The following EGFL7 variants were observed in gnomAD, a reference collection of about 807,000 sequenced individuals.
EGFL7 encodes the protein EGF like domain multiple 7.
EGFL7 carries 48 observed loss-of-function variants against 37.1 expected under a neutral mutation model. The observed-to-expected ratio is 1.29, with a 90% confidence interval of 1.03 to 1.65. EGFL7 has a LOEUF of 1.65. EGFL7 is among the 40% of genes most tolerant of loss of function. EGFL7 has a pLI of 0.00. For missense variants in EGFL7, 384 were observed against 378.9 expected (o/e 1.01, Z -0.11); for synonymous variants, 180 against 156.8 (o/e 1.15, Z -1.10).
chr9:136,668,906 CGCACCTCTAAGA>C (rs1845657275), intron 5 of EGFL7, among the ~76,000 whole-genome samples: 1 of 152,142 alleles, frequency 6.6e-6, no homozygotes, highest in Non-Finnish European at 1.5e-5. Flanking sequence ...CTCAAAGGAC[CGCACCTCTAAGA>C]GCATCCCCAT....
chr9:136,661,200 C>T (rs1183640552), upstream of EGFL7, among the ~76,000 whole-genome samples: 2 of 152,194 alleles, frequency 1.3e-5, no homozygotes. Context: ...AGTCTGGGTC[C>T]TCCCCAGGCT....
chr9:136,669,839 C>A (rs1419267243), intron 6 of EGFL7, 75 bp from the exon 7 acceptor site: 2 of 1,457,446 alleles, frequency 1.4e-6, no homozygotes, highest in Admixed American at 2.1e-5. Flanking sequence ...CCGCAGAGCA[C>A]CCACTCCCTA....
In EGFL7 at chr9:136,668,559, G is replaced by A. The variant is rs548014889; in HGVS notation, c.83G>A (p.Arg28His). Residue 28 changes from arginine (R) to histidine (H), a missense_variant and splice_region_variant, in exon 5 of 11, where the codon CGT becomes CAT. Coordinates refer to ENST00000308874, the MANE Select transcript of EGFL7 (RefSeq NM_016215.5). The stretch of plus-strand genomic sequence containing the variant: ...TGACCCCCTCTCCACCCCCGCAGCC[G>A]TAGGGTGTGTGCTGTCCGGGCTCAC... ...GGTEHAYRPG[R>H]RVCAVRAHGD... The A allele has an allele frequency of 2.4e-5, 39 of 1,608,476 alleles. No individual in the cohort carries two copies. The highest frequency in any genetic ancestry group is 3.0e-5 in the Non-Finnish European group (35 of 1,179,558).
intron 7 of EGFL7, 44 bp downstream of exon 7, chr9:136,670,053 C>T (rs1313069040): frequency 1.3e-6 from 2 of 1,589,156 alleles, no homozygotes; most frequent in Non-Finnish European, 8.6e-7. Context: ...GGGTCCTGGG[C>T]ACCTCCTTGC....
At position 136,669,953 on chromosome 9, in the gene EGFL7, T is replaced by TC. The variant is rs1386242040; in HGVS notation, c.355dup (p.Gln119ProfsTer14). The TC allele has an allele frequency of 1.1e-5, 18 of 1,606,010 alleles. No homozygotes were observed. Among genetic ancestry groups the TC allele is most frequent in the Non-Finnish European group, 1.4e-5 (17 of 1,176,712 alleles). On this transcript the variant is annotated frameshift_variant, in exon 7 of 11. Transcript: ENST00000308874. LOFTEE classifies it high-confidence loss of function. The stretch of plus-strand genomic sequence containing the variant: ...CCATGCCGGAACGGAGGGAGCTGTG[T>TC]CCAGCCTGGCCGCTGCCGCTGCCCT...
rs990467214 is a variant in EGFL7, at chr9:136,666,320, C to T, written c.-43+1535C>T. Among the ~76,000 whole-genome samples, 1 of 151,728 alleles carries T rather than the reference C, an allele frequency of 6.6e-6. No individual in the cohort carries two copies. Among genetic ancestry groups the T allele is most frequent in the Non-Finnish European group, 1.5e-5 (1 of 67,866 alleles). The stretch of plus-strand genomic sequence containing the variant: ...GGTCCGCCAGTGCCTGCGGCGCAGC[C>T]AGGCCCCTCCCTCTGCGGACCCGGC... On this transcript the variant is annotated intron_variant, in intron 3 of 10. Transcript: ENST00000308874. This position sits in a 1 kb window ranked among gnomAD's most constrained non-coding sequence, Gnocchi z 6.8.
intron 7 of EGFL7, 73 bp from the exon 8 acceptor site, chr9:136,670,096 G>C (rs1262370581): frequency 6.2e-7 from 1 of 1,607,708 alleles, no homozygotes; most frequent in East Asian, 2.2e-5. Flanking sequence ...CCATGAGTGG[G>C]TGGTTGTGAA....
chr9:136,668,594 G>A lies in EGFL7; in HGVS notation c.118G>A (p.Val40Ile). The A allele has an allele frequency of 6.2e-7, 1 of 1,608,852 alleles. No individual in the cohort carries two copies. Among genetic ancestry groups the A allele is most frequent in the South Asian group, 1.1e-5 (1 of 91,090 alleles). ...VCAVRAHGDPVSESFVQRVYQ... is the reference protein window; with the variant it reads ...VCAVRAHGDPISESFVQRVYQ... ...TGCTGTCCGGGCTCACGGGGACCCTGTCTCCGAGTCGTTCGTGCAGCGTGT... is the reference window on the plus strand; with the variant it reads ...TGCTGTCCGGGCTCACGGGGACCCTATCTCCGAGTCGTTCGTGCAGCGTGT... The change falls in exon 5 of 11, where the codon GTC becomes ATC. Residue 40 changes from valine (V) to isoleucine (I), a missense_variant. Transcript: ENST00000308874.
intron 2 of EGFL7, among the ~76,000 whole-genome samples, chr9:136,664,479 T>C (rs936689722): frequency 3.3e-5 from 5 of 151,478 alleles, no homozygotes; most frequent in Non-Finnish European, 5.9e-5. Context: ...AATAACCCCA[T>C]TTTACTGAGG....
chr9:136,671,502 A>G (rs931572582), intron 9 of EGFL7, among the ~76,000 whole-genome samples: 1 of 151,956 alleles, frequency 6.6e-6, no homozygotes, highest in Admixed American at 6.5e-5. Context: ...GCCTGGATCC[A>G]TGCTGGGCAG....
intron 3 of EGFL7, 64 bp from the exon 4 acceptor site, chr9:136,668,177 C>A: frequency 1.0e-6 from 1 of 991,080 alleles, no homozygotes; most frequent in Non-Finnish European, 1.5e-6. Flanking sequence ...GGAGCAAGTG[C>A]AAACTGCACC....
chr9:136,661,043 G>A (rs1845115258), upstream of EGFL7, among the ~76,000 whole-genome samples: 1 of 152,178 alleles, frequency 6.6e-6, no homozygotes, highest in African/African-American at 2.4e-5. Flanking sequence ...GGGCAAGAGG[G>A]CACCTCCTGG....
chr9:136,670,042 A>G, intron 7 of EGFL7, 33 bp downstream of exon 7: 2 of 1,585,760 alleles, frequency 1.3e-6, no homozygotes, highest in Non-Finnish European at 1.7e-6. Context: ...GGGCCCTGGA[A>G]GGGTCCTGGG....
At position 136,672,452 on chromosome 9, in the gene EGFL7, C is replaced by A. The variant is rs780193939; in HGVS notation, c.*166C>A. 72 of 799,696 alleles carry A rather than the reference C, an allele frequency of 9.0e-5. No individual in the cohort carries two copies. The highest frequency in any genetic ancestry group is 1.3e-4 in the Non-Finnish European group (67 of 498,622). 49.5% of individuals were successfully genotyped at this position (799,696 alleles called of 1,614,324 possible). On this transcript the variant is annotated 3_prime_UTR_variant, in exon 11 of 11. Coordinates refer to ENST00000308874, the MANE Select transcript of EGFL7 (RefSeq NM_016215.5). Reference sequence around the variant, plus strand: ...CCCCTTCCTCGGGAGGCTCCCCAGACCCTGGCATGGGATGGGCTGGGATCT... The same window carrying A: ...CCCCTTCCTCGGGAGGCTCCCCAGAACCTGGCATGGGATGGGCTGGGATCT...
At chr9:136,670,392 G>A (rs1845769556) in intron 8 of EGFL7, 62 bp downstream of exon 8, 1 of 1,486,916 alleles carries the variant, frequency 6.7e-7, no homozygotes, top group South Asian at 1.3e-5. Context: ...TTGCCGTGTG[G>A]CTGTTAGGCA....
At chr9:136,672,214 G>A in intron 10 of EGFL7, 50 bp from the exon 11 acceptor site, 9 of 1,612,984 alleles carry the variant, frequency 5.6e-6, no homozygotes, top group Non-Finnish European at 7.6e-6. Flanking sequence ...AGCTGGGCGG[G>A]GAGGCTGTGG....
chr9:136,668,779 GA>G, intron 5 of EGFL7, 106 bp downstream of exon 5: 1 of 1,048,744 alleles, frequency 9.5e-7, no homozygotes, highest in East Asian at 2.4e-5. Flanking sequence ...CCCAAGATGG[GA>G]AACTGAGGCC....
In EGFL7 at chr9:136,668,706, C is replaced by A. The variant is rs750663449; in HGVS notation, c.197+33C>A. The stretch of plus-strand genomic sequence containing the variant: ...CCCCACCACACCGAGCTCACCCAGC[C>A]CCAGCCTCCCAAGTCGGCCACACAT... On this transcript the variant is annotated intron_variant, in intron 5 of 10. Coordinates refer to ENST00000308874, the MANE Select transcript of EGFL7 (RefSeq NM_016215.5). 6 of 1,555,668 alleles carry A rather than the reference C, an allele frequency of 3.9e-6. No individual in the cohort carries two copies. In the East Asian group the frequency reaches 1.1e-4, roughly 29 times the overall value.
rs756512511 is a variant in EGFL7 at position 136,668,644 on chromosome 9, C to T, written c.168C>T (p.Cys56=). The change falls in exon 5 of 11, where the codon TGC becomes TGT. Residue 56 remains cysteine, a synonymous_variant. Coordinates refer to ENST00000308874, the MANE Select transcript of EGFL7 (RefSeq NM_016215.5). ...QRVYQPFLTT[C]DGHRACSTYR... ...TGTACCAGCCCTTCCTCACCACCTGCGACGGGCACCGGGCCTGCAGCACCT... is the reference window on the plus strand; with the variant it reads ...TGTACCAGCCCTTCCTCACCACCTGTGACGGGCACCGGGCCTGCAGCACCT... 15 of 1,604,516 alleles carry T rather than the reference C, an allele frequency of 9.3e-6. No homozygotes were observed. The highest frequency in any genetic ancestry group is 2.2e-5 in the East Asian group (1 of 44,888).
Sources: gnomAD v4.1 joint callset for allele counts (sites outside exome capture counted in the v4.1 genomes callset) on GRCh38, gnomAD v4.1.1 for gene constraint, Gnocchi (gnomAD v3.1) non-coding constraint, MANE v1.5 for transcripts, NCBI Gene and HGNC (gene_info 2026-07-23, HGNC 2026-07-21) for gene names.